The following PAK4 variants were observed in gnomAD, a reference collection of about 807,000 sequenced individuals.
The protein encoded by PAK4 is p21 (RAC1) activated kinase 4.
PAK4 carries 49 observed loss-of-function variants against 53.5 expected under a neutral mutation model. The ratio of observed to expected loss-of-function variants is 0.92; its 90% confidence interval spans 0.73 to 1.16. The LOEUF is 1.16. PAK4 is among the 50% of genes most tolerant of loss of function. The pLI is 0.00. For missense variants in PAK4, 824 were observed against 850.7 expected (o/e 0.97, Z 0.39); for synonymous variants, 376 against 375.6 (o/e 1.00, Z -0.01).
chr19:39,172,563 G>A lies in PAK4; in HGVS notation c.205-355G>A, dbSNP rs534136540. On this transcript the variant is annotated intron_variant, in intron 2 of 8. Coordinates refer to ENST00000358301, the Ensembl canonical transcript of PAK4. Reference sequence around the variant, plus strand: ...CAGCGCCCTGTCATTTGCAGCCCTCGGGGCTGATTATGGGGTGGGTCAATT... The same window carrying A: ...CAGCGCCCTGTCATTTGCAGCCCTCAGGGCTGATTATGGGGTGGGTCAATT... Among the ~76,000 whole-genome samples the A allele has an allele frequency of 6.4e-4, 97 of 152,224 alleles. 1 individual carries two copies. The highest frequency in any genetic ancestry group is 1.4e-3 in the South Asian group (7 of 4,828).
intron 1 of PAK4, among the ~76,000 whole-genome samples, chr19:39,144,047 TGATAGATA>T (rs758404513): frequency 3.3e-5 from 5 of 151,800 alleles, no homozygotes; most frequent in South Asian, 2.1e-4. Context: ...AAACCTATGA[TGATAGATA>T]GATAGATAGA....
rs1040787494 is a variant in PAK4, at chr19:39,174,995, G to A, written c.1163G>A (p.Gly388Glu). 4.3e-6 allele frequency: 7 copies of A among 1,613,850 alleles called. No individual in the cohort carries two copies. The African/African-American group carries it at 9.3e-5, about 22-fold the overall frequency. ...GAGATGTACAACAGCTACCTGGTGG[G>A]GGACGAGCTCTGGGTGGTCATGGAG... The change falls in exon 5 of 9, where the codon GGG (glycine) becomes GAG (glutamate). Residue 388 changes from glycine to glutamate, a missense_variant. Gly to Glu is a moderately conservative substitution (Grantham distance 98). Transcript: ENST00000358301.
At chr19:39,177,906 C>A in intron 8 of PAK4, 97 bp downstream of exon 9, 1 of 1,380,284 alleles carries the variant, frequency 7.2e-7, no homozygotes, top group Non-Finnish European at 9.9e-7. Flanking sequence ...ACAATGATGG[C>A]GCCTGGGATG....
At chr19:39,136,936 C>T (rs966541251) in intron 1 of PAK4, among the ~76,000 whole-genome samples, 2 of 152,166 alleles carry the variant, frequency 1.3e-5, no homozygotes, top group African/African-American at 4.8e-5. Flanking sequence ...GCAGAGGTCT[C>T]CCGGCGGGGG....
intron 4 of PAK4, 133 bp downstream of exon 5, chr19:39,174,143 TCCCCAGGCCGTCTCGTCCG>T: frequency 1.5e-6 from 1 of 653,154 alleles, no homozygotes. Context: ...CTCTTCTCCC[TCCCCAGGCCGTCTCGTCCG>T]CCCCAGCTGG....
rs377104699 is a variant in PAK4 at position 39,174,015 on chromosome 19, G to A, written c.1098+5G>A. On this transcript the variant is annotated splice_donor_5th_base_variant and intron_variant, in intron 4 of 8. Transcript: ENST00000358301. The stretch of plus-strand genomic sequence containing the variant: ...CGCGAGCTGCTCTTCAACGAGGTGC[G>A]GGCGCTGCTGCCCTGCCGCCCTGCT... 28 of 1,558,990 alleles carry A rather than the reference G, an allele frequency of 1.8e-5. No homozygotes were observed. Among genetic ancestry groups the A allele is most frequent in the South Asian group, 8.1e-5 (7 of 85,926 alleles).
Position 39,162,739 on chromosome 19 carries a change from G to A in PAK4, c.-22-6793G>A, listed in dbSNP as rs1381650245. Among the ~76,000 whole-genome samples the A allele has an allele frequency of 3.3e-5, 5 of 152,230 alleles. No homozygotes were observed. In the East Asian group the frequency reaches 9.6e-4, roughly 29 times the overall value. ...ATGTGAGTGCTGCGAGGACAGGGATGTTTCTGACTGTTGGGTGCACTGCTA... is the reference window on the plus strand; with the variant it reads ...ATGTGAGTGCTGCGAGGACAGGGATATTTCTGACTGTTGGGTGCACTGCTA... On this transcript the variant is annotated intron_variant, in intron 1 of 8. Coordinates refer to ENST00000358301, the Ensembl canonical transcript of PAK4.
At chr19:39,136,269 C>G (rs935889538) in intron 1 of PAK4, among the ~76,000 whole-genome samples, 9 of 151,702 alleles carry the variant, frequency 5.9e-5, no homozygotes, top group Admixed American at 5.3e-4. Flanking sequence ...CAGAGGTAGC[C>G]GTGCACACCT....
At chr19:39,130,384 C>T (rs941820785) in intron 1 of PAK4, among the ~76,000 whole-genome samples, 6 of 151,626 alleles carry the variant, frequency 4.0e-5, no homozygotes, top group African/African-American at 9.7e-5. Context: ...GCGCAGGGAC[C>T]GTAGGAAGCC....
At chr19:39,158,076 A>ATG (rs3057075) in intron 1 of PAK4, among the ~76,000 whole-genome samples, 4 of 151,410 alleles carry the variant, frequency 2.6e-5, no homozygotes, top group African/African-American at 7.3e-5. Context: ...GTGAGCATGC[A>ATG]TGTGTGTGTG....
intron 2 of PAK4, 90 bp downstream of exon 3, chr19:39,169,847 AC>A: frequency 1.2e-6 from 1 of 864,406 alleles, no homozygotes; most frequent in Non-Finnish European, 1.7e-6. Flanking sequence ...TGTGACCGAC[AC>A]CTCCTCACTG....
chr19:39,181,905 C>G (rs573561666), downstream of PAK4: 6 of 136,766 alleles, frequency 4.4e-5, no homozygotes, highest in Non-Finnish European at 8.5e-5. Flanking sequence ...CAGGTCAGAC[C>G]AGCGGTTCTC....
intron 1 of PAK4, among the ~76,000 whole-genome samples, chr19:39,147,207 T>C (rs1163143722): frequency 1.3e-5 from 2 of 152,146 alleles, no homozygotes; most frequent in African/African-American, 2.4e-5. Context: ...CATCTGTCTA[T>C]TCCCCCATTG....
At chr19:39,134,540 C>T (rs1267058650) in intron 1 of PAK4, among the ~76,000 whole-genome samples, 2 of 150,012 alleles carry the variant, frequency 1.3e-5, no homozygotes, top group Admixed American at 6.6e-5. Context: ...GCCCTTAGGC[C>T]TGTGAGATCC....
At position 39,166,438 on chromosome 19, in the gene PAK4, C is replaced by T. The variant is rs1444881265; in HGVS notation, c.-22-3094C>T. Among the ~76,000 whole-genome samples the T allele has an allele frequency of 3.3e-5, 5 of 152,126 alleles. No homozygotes were observed. The South Asian group carries it at 8.3e-4, about 25-fold the overall frequency. ...CAGCCTGGGCGACAGAGCAAGACTC[C>T]GTTTAAAATAAATAAATAAATACTC... On this transcript the variant is annotated intron_variant, in intron 1 of 8. Coordinates refer to ENST00000358301, the Ensembl canonical transcript of PAK4.
Position 39,134,003 on chromosome 19 carries a change from G to A in PAK4, c.-23+8084G>A, listed in dbSNP as rs573520592. Among the ~76,000 whole-genome samples, 46 of 152,020 alleles carry A rather than the reference G, an allele frequency of 3.0e-4. No individual in the cohort carries two copies. The East Asian group carries it at 8.9e-3, about 30-fold the overall frequency. Reference sequence around the variant, plus strand: ...CTCCACAGACCCGTCCCCAGGTGAAGACCCCTCCCTGCCCTCCCCACAGGA... The same window carrying A: ...CTCCACAGACCCGTCCCCAGGTGAAAACCCCTCCCTGCCCTCCCCACAGGA... On this transcript the variant is annotated intron_variant, in intron 1 of 8. Coordinates refer to ENST00000358301, the Ensembl canonical transcript of PAK4.
At chr19:39,129,763 G>T (rs1600296311) in intron 1 of PAK4, among the ~76,000 whole-genome samples, 1 of 152,118 alleles carries the variant, frequency 6.6e-6, no homozygotes, top group Non-Finnish European at 1.5e-5. Context: ...TTACCCCCTT[G>T]GGCATCCAGG....
chr19:39,131,378 A>G (rs1351001001), intron 1 of PAK4, among the ~76,000 whole-genome samples: 3 of 151,814 alleles, frequency 2.0e-5, no homozygotes, highest in Non-Finnish European at 2.9e-5. Flanking sequence ...TCCTCGTCCC[A>G]CTGGCTCGTG....
intron 1 of PAK4, among the ~76,000 whole-genome samples, chr19:39,149,959 G>T (rs1440233851): frequency 1.3e-5 from 2 of 152,158 alleles, no homozygotes; most frequent in Admixed American, 1.3e-4. Flanking sequence ...GTTGTTTATT[G>T]GGTACATAGT....
Sources: gnomAD v4.1 joint callset for allele counts (sites outside exome capture counted in the v4.1 genomes callset) on GRCh38, gnomAD v4.1.1 for gene constraint, MANE v1.5 for transcripts, NCBI Gene and HGNC (gene_info 2026-07-23, HGNC 2026-07-21) for gene names.